The following CSNK2A2IP variants were observed in gnomAD, a reference collection of about 807,000 sequenced individuals.
CSNK2A2IP encodes the protein casein kinase 2 subunit alpha' interacting protein.
chr3:88,449,476 C>A, the CSNK2A2IP span, among the ~76,000 whole-genome samples: 2 of 151,956 alleles, frequency 1.3e-5, no homozygotes, highest in African/African-American at 4.8e-5. Flanking sequence ...TCTTTCCTAT[C>A]CATTTTCTTT....
At chr3:88,400,993 G>A in the CSNK2A2IP span, among the ~76,000 whole-genome samples, 2 of 152,140 alleles carry the variant, frequency 1.3e-5, no homozygotes, top group African/African-American at 4.8e-5. Context: ...AATAACAGAA[G>A]ATGAATTAGT....
the CSNK2A2IP span, among the ~76,000 whole-genome samples, chr3:88,408,679 T>C: frequency 6.6e-6 from 1 of 151,984 alleles, no homozygotes; most frequent in Admixed American, 6.5e-5. Context: ...TAAATGTATA[T>C]GTTCAAGATT....
the CSNK2A2IP span, among the ~76,000 whole-genome samples, chr3:88,346,703 AT>A: frequency 6.6e-6 from 1 of 152,048 alleles, no homozygotes; most frequent in East Asian, 1.9e-4. Flanking sequence ...ACGTTTGAAA[AT>A]ATTACCATTT....
At chr3:88,349,845 A>C in the CSNK2A2IP span, among the ~76,000 whole-genome samples, 4 of 152,172 alleles carry the variant, frequency 2.6e-5, 1 homozygote, top group South Asian at 6.2e-4. Flanking sequence ...CGCAGGAGTA[A>C]AGTGGTATCT....
At chr3:88,467,014 G>A in the CSNK2A2IP span, 7 of 1,195,266 alleles carry the variant, frequency 5.9e-6, no homozygotes, top group South Asian at 1.7e-4. Flanking sequence ...CCTTGAAGGA[G>A]TAGAGAAGAT....
At chr3:88,350,572 G>A in the CSNK2A2IP span, among the ~76,000 whole-genome samples, 3 of 137,558 alleles carry the variant, frequency 2.2e-5, no homozygotes, top group East Asian at 2.2e-4. Flanking sequence ...GGTCTTAAGG[G>A]AACAAATACA....
the CSNK2A2IP span, among the ~76,000 whole-genome samples, chr3:88,460,869 C>T: frequency 2.6e-5 from 4 of 151,700 alleles, no homozygotes; most frequent in African/African-American, 9.7e-5. Flanking sequence ...GGGTAGATCA[C>T]CCGAAGTCAG....
the CSNK2A2IP span, among the ~76,000 whole-genome samples, chr3:88,357,148 C>T: frequency 1.3e-5 from 2 of 151,796 alleles, no homozygotes; most frequent in Non-Finnish European, 2.9e-5. Context: ...TCTTTATTTG[C>T]CTGTGTTTTT....
chr3:88,437,836 AT>A, the CSNK2A2IP span, among the ~76,000 whole-genome samples: 1 of 152,148 alleles, frequency 6.6e-6, no homozygotes, highest in East Asian at 1.9e-4. Flanking sequence ...CACCATCATT[AT>A]TCATTTATTA....
the CSNK2A2IP span, chr3:88,399,510 C>T: frequency 6.6e-6 from 1 of 152,172 alleles, no homozygotes; most frequent in East Asian, 1.9e-4. Flanking sequence ...TTCATTCATC[C>T]TTACATTTAT....
chr3:88,453,750 C>T, the CSNK2A2IP span, among the ~76,000 whole-genome samples: 437 of 152,122 alleles, frequency 2.9e-3, 2 homozygotes, highest in African/African-American at 9.8e-3. Flanking sequence ...AAGCATTTTG[C>T]TCCCAGACAC....
At chr3:88,438,968 C>G in the CSNK2A2IP span, among the ~76,000 whole-genome samples, 2,085 of 152,250 alleles carry the variant, frequency 0.014, 40 homozygotes, top group African/African-American at 0.048. Context: ...TTCAGCCTGT[C>G]TCACCTACTT....
At chr3:88,383,651 C>CTTTTTTTT in the CSNK2A2IP span, among the ~76,000 whole-genome samples, 8 of 88,522 alleles carry the variant, frequency 9.0e-5, no homozygotes, top group East Asian at 4.0e-4. Flanking sequence ...TCTTTTCTTT[C>CTTTTTTTT]TTTTTTTTTT....
chr3:88,367,321 T>G, the CSNK2A2IP span, among the ~76,000 whole-genome samples: 1 of 151,984 alleles, frequency 6.6e-6, no homozygotes, highest in Non-Finnish European at 1.5e-5. Context: ...CTTAATTATG[T>G]ATGAGGGCAC....
the CSNK2A2IP span, among the ~76,000 whole-genome samples, chr3:88,447,920 T>G: frequency 6.6e-6 from 1 of 152,228 alleles, no homozygotes; most frequent in African/African-American, 2.4e-5. Context: ...TGGTATTTTC[T>G]TAATTAAGTA....
the CSNK2A2IP span, among the ~76,000 whole-genome samples, chr3:88,451,295 A>T: frequency 0.079 from 12,072 of 152,050 alleles, 841 homozygotes; most frequent in East Asian, 0.21. Flanking sequence ...TATATGTGAA[A>T]TTATAGTGGT....
chr3:88,341,170 G>A, the CSNK2A2IP span, among the ~76,000 whole-genome samples: 1 of 151,570 alleles, frequency 6.6e-6, no homozygotes, highest in Non-Finnish European at 1.5e-5. Flanking sequence ...TTCATTTTAG[G>A]GTTTTATTGC....
chr3:88,460,048 A>C, the CSNK2A2IP span, among the ~76,000 whole-genome samples: 1 of 152,170 alleles, frequency 6.6e-6, no homozygotes. Context: ...ACAAACGGAT[A>C]ATTTTTCTAT....
At chr3:88,387,458 T>TA in the CSNK2A2IP span, among the ~76,000 whole-genome samples, 16 of 152,286 alleles carry the variant, frequency 1.1e-4, no homozygotes, top group South Asian at 2.1e-4. Context: ...CATGAGCTAC[T>TA]GTGCCCGGCC....
Sources: allele counts gnomAD v4.1 joint callset (sites outside exome capture counted in the v4.1 genomes callset), GRCh38; gene constraint gnomAD v4.1.1; transcripts MANE v1.5; gene names NCBI Gene and HGNC (gene_info 2026-07-23, HGNC 2026-07-21).